Variants in CCSER1 observed in about 807,000 individuals in gnomAD.
The protein encoded by CCSER1 is serine-rich coiled-coil domain-containing protein 1.
CCSER1 carries 41 observed loss-of-function variants against 82.0 expected under a neutral mutation model. The observed-to-expected ratio is 0.50, with a 90% CI of 0.39 to 0.65. The LOEUF is 0.65. Among genes scored for constraint, CCSER1 ranks in the 30% least tolerant of loss-of-function variants. The pLI, the probability that CCSER1 is intolerant of heterozygous loss-of-function variation, is 0.00. For synonymous variants in CCSER1, 414 were observed against 383.9 expected (o/e 1.08, Z -0.92); for missense variants, 1,119 against 1,064.2 (o/e 1.05, Z -0.72).
chr4:90,502,405 A>G (rs1237420879), intron 5 of CCSER1, among the ~76,000 whole-genome samples: 3 of 152,162 alleles, frequency 2.0e-5, no homozygotes, highest in East Asian at 1.9e-4. Context: ...CCATGATCCA[A>G]TCACCTCCCA....
intron 5 of CCSER1, among the ~76,000 whole-genome samples, chr4:90,556,792 T>A (rs1344277631): frequency 6.6e-6 from 1 of 151,618 alleles, no homozygotes; most frequent in Non-Finnish European, 1.5e-5. Flanking sequence ...GGCAGAGACA[T>A]ATAAGTGGAC....
intron 10 of CCSER1, among the ~76,000 whole-genome samples, chr4:91,102,121 T>C (rs1357809315): frequency 6.6e-6 from 1 of 152,168 alleles, no homozygotes; most frequent in Non-Finnish European, 1.5e-5. Context: ...GTTATAGCTC[T>C]ACAATTTTTT....
chr4:91,458,479 T>C (rs1489837058), intron 10 of CCSER1, among the ~76,000 whole-genome samples: 1 of 152,162 alleles, frequency 6.6e-6, no homozygotes, highest in Non-Finnish European at 1.5e-5. Context: ...TTGTTCTTTT[T>C]GCTCAGGATT....
intron 7 of CCSER1, among the ~76,000 whole-genome samples, chr4:90,766,310 G>A (rs1157045319): frequency 6.6e-6 from 1 of 152,044 alleles, no homozygotes; most frequent in Non-Finnish European, 1.5e-5. Context: ...CATATATAAC[G>A]TTCTTTATGC....
At chr4:91,422,324 T>C (rs1753724569) in intron 10 of CCSER1, among the ~76,000 whole-genome samples, 1 of 152,108 alleles carries the variant, frequency 6.6e-6, no homozygotes, top group Admixed American at 6.6e-5. Context: ...CATTCACCTT[T>C]CCAGGCTCAG....
intron 7 of CCSER1, among the ~76,000 whole-genome samples, chr4:90,811,426 G>A (rs1758270451): frequency 6.6e-6 from 1 of 152,194 alleles, no homozygotes; most frequent in South Asian, 2.1e-4. Flanking sequence ...AAATTAGGAA[G>A]TGACAAAATT....
chr4:90,312,773 C>A, intron 2 of CCSER1, 90 bp from the exon 3 acceptor site: 1 of 998,954 alleles, frequency 1.0e-6, no homozygotes, highest in Non-Finnish European at 1.5e-6. Flanking sequence ...TTGAATAACA[C>A]TAAGAGTTTT....
intron 10 of CCSER1, among the ~76,000 whole-genome samples, chr4:91,304,523 C>A (rs1744900896): frequency 6.6e-6 from 1 of 151,998 alleles, no homozygotes; most frequent in Admixed American, 6.6e-5. Flanking sequence ...AAATATCTTA[C>A]CTTAGCGACC....
chr4:90,960,622 T>TA (rs545660767), intron 9 of CCSER1, among the ~76,000 whole-genome samples: 213 of 152,298 alleles, frequency 1.4e-3, no homozygotes, highest in Non-Finnish European at 2.2e-3. Flanking sequence ...CTCTGTGAAC[T>TA]AAATGCCTCA....
At chr4:90,489,370 T>C (rs1430846702) in intron 5 of CCSER1, among the ~76,000 whole-genome samples, 1 of 152,142 alleles carries the variant, frequency 6.6e-6, no homozygotes, top group East Asian at 1.9e-4. Context: ...TATTTTAAGA[T>C]ATACCCCTTT....
At chr4:91,051,998 G>T (rs1398522265) in intron 9 of CCSER1, among the ~76,000 whole-genome samples, 1 of 151,880 alleles carries the variant, frequency 6.6e-6, no homozygotes, top group East Asian at 1.9e-4. Context: ...ACATGCAATT[G>T]TATTTTCTTC....
At chr4:90,357,069 A>G (rs1338898869) in intron 3 of CCSER1, among the ~76,000 whole-genome samples, 2 of 151,954 alleles carry the variant, frequency 1.3e-5, no homozygotes, top group East Asian at 3.8e-4. Flanking sequence ...AACTCAATAG[A>G]AAAAGAAATA....
At chr4:90,399,098 A>C (rs1752433881) in intron 3 of CCSER1, among the ~76,000 whole-genome samples, 1 of 151,908 alleles carries the variant, frequency 6.6e-6, no homozygotes, top group Non-Finnish European at 1.5e-5. Flanking sequence ...TTTTCTGTAC[A>C]TTTGTTATTT....
At chr4:90,945,584 G>T (rs1732139754) in intron 9 of CCSER1, among the ~76,000 whole-genome samples, 1 of 152,084 alleles carries the variant, frequency 6.6e-6, no homozygotes, top group South Asian at 2.1e-4. Flanking sequence ...TACAATATTT[G>T]CAGCCTGATT....
Position 90,413,948 on chromosome 4 carries a change from C to CA in CCSER1, c.1603+13853dup, listed in dbSNP as rs570689214. 2.8e-3 allele frequency among the ~76,000 whole-genome samples: 63 copies of CA among 22,362 alleles called. 11 individuals are homozygous for CA. The highest frequency in any genetic ancestry group is 4.3e-3 in the Admixed American group (4 of 930). The allele number at this position is 22,362 out of a possible 152,430, so 14.7% of individuals were successfully genotyped here. On this transcript the variant is annotated intron_variant, in intron 4 of 10. Transcript: ENST00000509176. ...TGGGTGACAGAGCGAGACACCGTCTCAAAAAAAAAAAAAAAAAAAAAAAAA... is the reference window on the plus strand; with the variant it reads ...TGGGTGACAGAGCGAGACACCGTCTCAAAAAAAAAAAAAAAAAAAAAAAAAA...
At chr4:91,500,829 T>C (rs1759171154) in intron 10 of CCSER1, among the ~76,000 whole-genome samples, 1 of 151,988 alleles carries the variant, frequency 6.6e-6, no homozygotes, top group Admixed American at 6.6e-5. Flanking sequence ...ATAACTTATT[T>C]AGTGGTGATT....
chr4:91,167,059 A>T (rs1391431249), intron 10 of CCSER1, among the ~76,000 whole-genome samples: 4 of 152,170 alleles, frequency 2.6e-5, no homozygotes, highest in Admixed American at 2.6e-4. Context: ...ACAAATATCT[A>T]TGAAATACAT....
rs547772031 is a variant in CCSER1 at position 90,731,428 on chromosome 4, A to G, written c.2010+7437A>G. 4.6e-3 allele frequency among the ~76,000 whole-genome samples: 695 copies of G among 152,308 alleles called. 7 individuals carry two copies. Among genetic ancestry groups the G allele is most frequent in the African/African-American group, 0.016 (661 of 41,572 alleles). On this transcript the variant is annotated intron_variant, in intron 7 of 10. Coordinates refer to ENST00000509176, the MANE Select transcript of CCSER1 (RefSeq NM_001145065.2). The stretch of plus-strand genomic sequence containing the variant: ...AAGTAATACTAATTTCTGGTAATAT[A>G]TTTTATCTGCCAGATAACTGAAAGC...
intron 4 of CCSER1, among the ~76,000 whole-genome samples, chr4:90,448,644 T>A (rs529769449): frequency 5.9e-5 from 9 of 151,796 alleles, no homozygotes; most frequent in Non-Finnish European, 1.3e-4. Context: ...TAATTTTTTT[T>A]CTGTATCATT....
Sources: allele counts gnomAD v4.1 joint callset (sites outside exome capture counted in the v4.1 genomes callset), GRCh38; gene constraint gnomAD v4.1.1; transcripts MANE v1.5; gene names NCBI Gene and HGNC (gene_info 2026-07-23, HGNC 2026-07-21).